Variants in KAT14 observed in about 807,000 individuals in gnomAD.
The protein encoded by KAT14 is lysine acetyltransferase 14, also known as cysteine-rich protein 2-binding protein.
In KAT14, 66 loss-of-function variants were observed where a neutral mutation model predicts 78.4. The ratio of observed to expected loss-of-function variants is 0.84; its 90% CI spans 0.69 to 1.03. KAT14 has a LOEUF of 1.03. KAT14 is among the 50% of genes least tolerant of loss of function. The pLI is 0.00. For synonymous variants in KAT14, 344 were observed against 359.4 expected (o/e 0.96, Z 0.48); for missense variants, 870 against 972.5 (o/e 0.89, Z 1.40).
Position 18,162,810 on chromosome 20 carries a change from T to A in KAT14, c.1533T>A (p.Asp511Glu), listed in dbSNP as rs1366706675. ...GGGGATTACCACTTTTTGACTTGGA[T>A]CAAGTTGTTAATGCTGCTCTTTTGT... ...RDRGLPLFDLDQVVNAALLLV... is the reference protein window; with the variant it reads ...RDRGLPLFDLEQVVNAALLLV... The change falls in exon 7 of 11, where the codon GAT becomes GAA. Residue 511 changes from aspartate (D) to glutamate (E), a missense_variant. Coordinates refer to ENST00000688188, the MANE Select transcript of KAT14 (RefSeq NM_001392073.1). The A allele has an allele frequency of 6.2e-7, 1 of 1,614,076 alleles. No homozygotes were observed. The highest frequency in any genetic ancestry group is 8.5e-7 in the Non-Finnish European group (1 of 1,180,042).
intron 8 of KAT14, among the ~76,000 whole-genome samples, chr20:18,182,154 C>T (rs1381004226): frequency 6.6e-6 from 1 of 151,272 alleles, no homozygotes; most frequent in East Asian, 1.9e-4. Flanking sequence ...CAGACTCTTG[C>T]CCTGTCACCC....
In KAT14 at chr20:18,162,004, C is replaced by T; in HGVS notation, c.864C>T (p.Thr288=). 1.9e-6 allele frequency: 3 copies of T among 1,614,218 alleles called. No homozygotes were observed. The highest frequency in any genetic ancestry group is 2.5e-6 in the Non-Finnish European group (3 of 1,180,038). ...AGFLDRSTSS[T]PVKFISRGRR... is the part of the protein sequence containing the mutation. ...TTCTTGACAGGAGCACATCTTCTAC[C>T]CCTGTAAAATTCATAAGCCGAGGCC... is the stretch of plus-strand genomic sequence containing the variant. Residue 288 remains threonine (T), a synonymous_variant, in exon 6 of 11, where the codon ACC becomes ACT. Coordinates refer to ENST00000688188, the MANE Select transcript of KAT14 (RefSeq NM_001392073.1).
rs528383473 is a variant in KAT14 at position 18,139,167 on chromosome 20, G to T, written c.-454+1116G>T. Among the ~76,000 whole-genome samples, 216 of 152,276 alleles carry T rather than the reference G, an allele frequency of 1.4e-3. 2 individuals are homozygous for T. Among genetic ancestry groups the T allele is most frequent in the East Asian group, 4.2e-3 (22 of 5,178 alleles). The stretch of plus-strand genomic sequence containing the variant: ...CATGTGATGGTACAAGAATTTTGAC[G>T]AGGGGTTGAGATGACTTAACAATGA... On this transcript the variant is annotated intron_variant, in intron 1 of 10. Transcript: ENST00000688188.
At chr20:18,160,859 G>T (rs916943154) in intron 5 of KAT14, among the ~76,000 whole-genome samples, 1 of 151,798 alleles carries the variant, frequency 6.6e-6, no homozygotes, top group Non-Finnish European at 1.5e-5. Flanking sequence ...TTTTAATCAG[G>T]ATTGCCAAAT....
chr20:18,156,207 G>A (rs1011992538), intron 4 of KAT14, among the ~76,000 whole-genome samples: 6 of 152,170 alleles, frequency 3.9e-5, no homozygotes, highest in African/African-American at 9.7e-5. Context: ...GATACAGAAC[G>A]TAGAATGGTG....
Position 18,187,667 on chromosome 20 carries a change from A to G in KAT14, c.*208A>G. 4.7e-6 allele frequency: 3 copies of G among 637,458 alleles called. No individual in the cohort carries two copies. Among genetic ancestry groups the G allele is most frequent in the South Asian group, 4.5e-5 (2 of 44,242 alleles). The allele number at this position is 637,458 out of a possible 1,614,324, so 39.5% of individuals were successfully genotyped here. On this transcript the variant is annotated 3_prime_UTR_variant, in exon 11 of 11. Coordinates refer to ENST00000688188, the MANE Select transcript of KAT14 (RefSeq NM_001392073.1). The stretch of plus-strand genomic sequence containing the variant: ...AATCGCCCTCCAGTCCTTCCTGGAG[A>G]TGCCTTCAGCCAGCATCCCAGACTC...
intron 7 of KAT14, among the ~76,000 whole-genome samples, chr20:18,179,908 G>A (rs536315135): frequency 9.9e-4 from 150 of 151,588 alleles, no homozygotes; most frequent in Middle Eastern, 3.4e-3. Flanking sequence ...TTGCTCTGTT[G>A]TCCAGGCTGG....
chr20:18,143,888 C>G (rs1285085365), intron 2 of KAT14, among the ~76,000 whole-genome samples: 1 of 152,174 alleles, frequency 6.6e-6, no homozygotes. Flanking sequence ...CCTCGGCCTC[C>G]CAAAGTGCTG....
chr20:18,153,490 A>G (rs2038119696), intron 4 of KAT14, among the ~76,000 whole-genome samples: 1 of 152,234 alleles, frequency 6.6e-6, no homozygotes, highest in South Asian at 2.1e-4. Context: ...GAATGTTTTC[A>G]TGATCTTCGA....
chr20:18,187,342 A>G lies in KAT14; in HGVS notation c.2229A>G (p.Leu743=), dbSNP rs777801185. 6.2e-7 allele frequency: 1 copy of G among 1,614,096 alleles called. No homozygotes were observed. Among genetic ancestry groups the G allele is most frequent in the Non-Finnish European group, 8.5e-7 (1 of 1,180,002 alleles). Residue 743 remains leucine, a synonymous_variant, in exon 11 of 11, where the codon CTA becomes CTG. Coordinates refer to ENST00000688188, the MANE Select transcript of KAT14 (RefSeq NM_001392073.1). ...TCTCAGCAAGCAACCCCGCTATGCT[A>G]CTGTACCAGAAGTTTGGATTCAAGA... The part of the protein sequence containing the change: ...LHVSASNPAM[L]LYQKFGFKTE...
Position 18,165,129 on chromosome 20 carries a change from G to C in KAT14, c.1668+2184G>C, listed in dbSNP as rs1205199. 7.2e-5 allele frequency among the ~76,000 whole-genome samples: 11 copies of C among 152,074 alleles called. No homozygotes were observed. The South Asian group carries it at 2.1e-3, about 29-fold the overall frequency. Reference sequence around the variant, plus strand: ...CTTAGAAGTCTCCTGTGTACTTTCTGTTCCCCTCAGAGGAAGCCACTTTGA... The same window carrying C: ...CTTAGAAGTCTCCTGTGTACTTTCTCTTCCCCTCAGAGGAAGCCACTTTGA... On this transcript the variant is annotated intron_variant, in intron 7 of 10. Transcript: ENST00000688188.
At chr20:18,158,870 T>G (rs2038314408) in intron 4 of KAT14, among the ~76,000 whole-genome samples, 1 of 152,196 alleles carries the variant, frequency 6.6e-6, no homozygotes, top group Admixed American at 6.5e-5. Context: ...ATCCTGATTT[T>G]ACAGATGAAC....
chr20:18,144,465 A>G (rs2037741697), intron 2 of KAT14, among the ~76,000 whole-genome samples: 1 of 152,166 alleles, frequency 6.6e-6, no homozygotes, highest in African/African-American at 2.4e-5. Flanking sequence ...TTCTTCTGGA[A>G]TATGCATCTC....
At chr20:18,153,128 G>A (rs2146387909) in intron 4 of KAT14, among the ~76,000 whole-genome samples, 1 of 152,280 alleles carries the variant, frequency 6.6e-6, no homozygotes, top group East Asian at 1.9e-4. Flanking sequence ...TCAGGGCAGG[G>A]AGTTCATGCC....
chr20:18,169,075 G>C (rs1042577055), intron 7 of KAT14, among the ~76,000 whole-genome samples: 1 of 151,720 alleles, frequency 6.6e-6, no homozygotes, highest in Non-Finnish European at 1.5e-5. Flanking sequence ...TTACTCAGCC[G>C]TGTCCAGTCT....
upstream of KAT14, chr20:18,137,837 G>T: frequency 2.8e-6 from 3 of 1,082,324 alleles, no homozygotes; most frequent in Non-Finnish European, 3.7e-6. Flanking sequence ...CGCACGCGAC[G>T]GCTGGGGCTC....
At chr20:18,166,407 G>A (rs2038643061) in intron 7 of KAT14, among the ~76,000 whole-genome samples, 2 of 152,338 alleles carry the variant, frequency 1.3e-5, no homozygotes, top group African/African-American at 4.8e-5. Context: ...AAATAAGGAA[G>A]GGGCGTAGAC....
intron 7 of KAT14, among the ~76,000 whole-genome samples, chr20:18,173,506 G>A (rs2146486836): frequency 6.6e-6 from 1 of 152,326 alleles, no homozygotes; most frequent in East Asian, 1.9e-4. Context: ...GTGGAAATCA[G>A]AAGTCCTTGG....
At chr20:18,174,166 C>CT (rs1214781918) in intron 7 of KAT14, among the ~76,000 whole-genome samples, 3 of 152,194 alleles carry the variant, frequency 2.0e-5, no homozygotes, top group Non-Finnish European at 4.4e-5. Flanking sequence ...CTAAATATGG[C>CT]TTAATATTCC....
Sources: allele counts gnomAD v4.1 joint callset (sites outside exome capture counted in the v4.1 genomes callset), GRCh38; gene constraint gnomAD v4.1.1; transcripts MANE v1.5; gene names NCBI Gene and HGNC (gene_info 2026-07-23, HGNC 2026-07-21).